GPATCH2: variants seen among roughly 807,000 people sequenced by gnomAD.
GPATCH2 encodes the protein G-patch domain containing 2.
Under a neutral mutation model 58.0 loss-of-function variants are expected in GPATCH2, and 51 were observed. The observed-to-expected ratio is 0.88, with a 90% CI of 0.70 to 1.11. The LOEUF (loss-of-function observed/expected upper bound fraction) is 1.11. GPATCH2 is among the 50% of genes most tolerant of loss of function. GPATCH2 has a pLI of 0.00. For missense variants in GPATCH2, 625 were observed against 652.2 expected (o/e 0.96, Z 0.45); for synonymous variants, 222 against 218.5 (o/e 1.02, Z -0.14).
intron 9 of GPATCH2, among the ~76,000 whole-genome samples, chr1:217,432,760 A>T (rs1658604832): frequency 6.6e-6 from 1 of 152,152 alleles, no homozygotes; most frequent in African/African-American, 2.4e-5. Flanking sequence ...AAAAAAAGAG[A>T]GATGAAAGTC....
At chr1:217,459,804 A>G (rs1660120295) in intron 8 of GPATCH2, among the ~76,000 whole-genome samples, 1 of 152,110 alleles carries the variant, frequency 6.6e-6, no homozygotes, top group Admixed American at 6.6e-5. Flanking sequence ...TTTTGGATCT[A>G]CTTCATCTAG....
chr1:217,523,724 G>C (rs1004609041), intron 5 of GPATCH2, among the ~76,000 whole-genome samples: 4 of 150,060 alleles, frequency 2.7e-5, no homozygotes, highest in African/African-American at 1.0e-4. Context: ...CGGGCAGAGG[G>C]GCTCCTCACT....
intron 4 of GPATCH2, among the ~76,000 whole-genome samples, 194 bp from the exon 5 acceptor site, chr1:217,610,594 C>T (rs1668577231): frequency 6.6e-6 from 1 of 152,172 alleles, no homozygotes; most frequent in Non-Finnish European, 1.5e-5. Flanking sequence ...AGGCAGTCAG[C>T]ACTTAACTAA....
At chr1:217,523,415 C>T (rs1474044237) in intron 5 of GPATCH2, among the ~76,000 whole-genome samples, 1 of 151,650 alleles carries the variant, frequency 6.6e-6, no homozygotes, top group East Asian at 1.9e-4. Context: ...TTTAACAAGG[C>T]ACAACTTGCA....
intron 5 of GPATCH2, among the ~76,000 whole-genome samples, chr1:217,586,548 T>C (rs1253495141): frequency 1.3e-5 from 2 of 152,210 alleles, no homozygotes; most frequent in Non-Finnish European, 2.9e-5. Flanking sequence ...CAACGTCTTC[T>C]GGAATACCTT....
At chr1:217,488,556 C>A (rs941830080) in intron 8 of GPATCH2, among the ~76,000 whole-genome samples, 1 of 151,982 alleles carries the variant, frequency 6.6e-6, no homozygotes, top group African/African-American at 2.4e-5. Flanking sequence ...GTTTTCCACC[C>A]TTCCCTGTCA....
intron 8 of GPATCH2, among the ~76,000 whole-genome samples, chr1:217,484,577 T>TAG (rs1553328485): frequency 0.024 from 3,502 of 145,608 alleles, 197 homozygotes; most frequent in African/African-American, 0.063. Flanking sequence ...TATATATATA[T>TAG]GATGCACATA....
intron 5 of GPATCH2, among the ~76,000 whole-genome samples, chr1:217,524,565 G>C (rs1057475132): frequency 1.1e-4 from 17 of 151,730 alleles, no homozygotes; most frequent in Admixed American, 3.3e-4. Context: ...CTCCAGCCTC[G>C]GCACCATTGA....
intron 5 of GPATCH2, among the ~76,000 whole-genome samples, chr1:217,599,260 G>A (rs1234178891): frequency 1.3e-5 from 2 of 152,148 alleles, no homozygotes; most frequent in Non-Finnish European, 2.9e-5. Context: ...TGGCACAGGA[G>A]TGACATGAGC....
chr1:217,592,729 C>T (rs1260190340), intron 5 of GPATCH2, among the ~76,000 whole-genome samples: 1 of 151,714 alleles, frequency 6.6e-6, no homozygotes, highest in Non-Finnish European at 1.5e-5. Context: ...TCTTATTAAC[C>T]TGGAGGTTAA....
chr1:217,628,699 GA>G (rs2102861662), intron 1 of GPATCH2, among the ~76,000 whole-genome samples: 1 of 131,816 alleles, frequency 7.6e-6, no homozygotes, highest in East Asian at 2.2e-4. Context: ...AAAAAAAAAA[GA>G]ATACCATAGT....
At chr1:217,630,450 C>G (rs989025600) in intron 1 of GPATCH2, among the ~76,000 whole-genome samples, 3 of 151,972 alleles carry the variant, frequency 2.0e-5, no homozygotes, top group African/African-American at 7.3e-5. Flanking sequence ...GGTAGGTTAC[C>G]CTCTCTCTTT....
chr1:217,515,332 G>A (rs938501478), intron 5 of GPATCH2, among the ~76,000 whole-genome samples: 1 of 151,970 alleles, frequency 6.6e-6, no homozygotes. Context: ...TCCTGCCCTC[G>A]TGATCTGCCT....
chr1:217,504,621 G>A (rs1467994912), intron 6 of GPATCH2, among the ~76,000 whole-genome samples: 8 of 152,058 alleles, frequency 5.3e-5, no homozygotes, highest in African/African-American at 1.4e-4. Flanking sequence ...TTCTTACAAC[G>A]ATTTTATGAA....
At chr1:217,514,444 C>A (rs1040482525) in intron 6 of GPATCH2, among the ~76,000 whole-genome samples, 1 of 152,194 alleles carries the variant, frequency 6.6e-6, no homozygotes, top group African/African-American at 2.4e-5. Flanking sequence ...TGGGCATGAG[C>A]CACCATGACT....
rs61828863 is a variant in GPATCH2 at position 217,615,423 on chromosome 1, G to C, written c.774-1221C>G. Among the ~76,000 whole-genome samples, 829 of 152,066 alleles carry C rather than the reference G, an allele frequency of 5.5e-3. 8 individuals carry two copies. Among genetic ancestry groups the C allele is most frequent in the Non-Finnish European group, 0.01 (685 of 67,926 alleles). ...GGTAATGAAAAAATATTTTCTAAGAGCATCACAACCAAATTTTCTTATTTA... is the reference window on the plus strand; with the variant it reads ...GGTAATGAAAAAATATTTTCTAAGACCATCACAACCAAATTTTCTTATTTA... On this transcript the variant is annotated intron_variant, in intron 2 of 9. Coordinates refer to ENST00000366935, the MANE Select transcript of GPATCH2 (RefSeq NM_018040.5).
At position 217,513,391 on chromosome 1, in the gene GPATCH2, T is replaced by C. The variant is rs1662951304; in HGVS notation, c.1166+1431A>G. Among the ~76,000 whole-genome samples, 4 of 152,372 alleles carry C rather than the reference T, an allele frequency of 2.6e-5. No individual in the cohort carries two copies. In the South Asian group the frequency reaches 8.3e-4, roughly 32 times the overall value. On this transcript the variant is annotated intron_variant, in intron 6 of 9. Coordinates refer to ENST00000366935, the MANE Select transcript of GPATCH2 (RefSeq NM_018040.5). ...CCACTATAAGATTATGATATCATTT[T>C]GCTATATCTGAACAATAATCTCTAT... is the stretch of plus-strand genomic sequence containing the variant.
intron 5 of GPATCH2, among the ~76,000 whole-genome samples, chr1:217,591,654 T>C (rs1558508863): frequency 6.6e-6 from 1 of 152,126 alleles, no homozygotes. Flanking sequence ...TTACAGTTAT[T>C]GTTAGTCTAC....
At chr1:217,463,247 A>G (rs1660277926) in intron 8 of GPATCH2, among the ~76,000 whole-genome samples, 1 of 152,178 alleles carries the variant, frequency 6.6e-6, no homozygotes, top group Non-Finnish European at 1.5e-5. Flanking sequence ...CATTTATGTT[A>G]ACATGGCAGA....
Sources: gnomAD v4.1 joint callset for allele counts (sites outside exome capture counted in the v4.1 genomes callset) on GRCh38, gnomAD v4.1.1 for gene constraint, MANE v1.5 for transcripts, NCBI Gene and HGNC (gene_info 2026-07-23, HGNC 2026-07-21) for gene names.